The following SGIP1 variants were observed in gnomAD, a reference collection of about 807,000 sequenced individuals.
The protein encoded by SGIP1 is SH3GL interacting endocytic adaptor 1.
Under a neutral mutation model 107.5 loss-of-function variants are expected in SGIP1, and 38 were observed. The observed-to-expected ratio is 0.35, with a 90% CI of 0.27 to 0.46. The LOEUF is 0.46. Among genes scored for constraint, SGIP1 ranks in the 20% least tolerant of loss-of-function variants. The pLI is 1.00. For missense variants in SGIP1, 929 were observed against 1,019.5 expected (o/e 0.91, Z 1.21); for synonymous variants, 365 against 366.1 (o/e 1.00, Z 0.03).
At chr1:66,676,012 G>A (rs2085239240) in intron 12 of SGIP1, among the ~76,000 whole-genome samples, 1 of 152,142 alleles carries the variant, frequency 6.6e-6, no homozygotes, top group Admixed American at 6.5e-5. Flanking sequence ...ACATAGTGGT[G>A]GTAAGAGTAT....
chr1:66,676,960 A>AT (rs770307339), intron 12 of SGIP1, 44 bp from the exon 13 acceptor site: 33 of 1,504,508 alleles, frequency 2.2e-5, no homozygotes, highest in Admixed American at 6.1e-5. Flanking sequence ...AAGTATGGGG[A>AT]TTTTTTTTAA....
At chr1:66,558,429 A>G (rs1337286817) in intron 1 of SGIP1, among the ~76,000 whole-genome samples, 1 of 151,956 alleles carries the variant, frequency 6.6e-6, no homozygotes, top group East Asian at 2.0e-4. Context: ...AAGCTAACCC[A>G]CAACGGCCCA....
intron 1 of SGIP1, among the ~76,000 whole-genome samples, chr1:66,568,824 A>G (rs2060004637): frequency 6.6e-6 from 1 of 151,966 alleles, no homozygotes; most frequent in Non-Finnish European, 1.5e-5. Flanking sequence ...ACATCCCTTC[A>G]TGTTAATAAC....
chr1:66,600,526 T>G (rs1169859112), intron 1 of SGIP1, among the ~76,000 whole-genome samples: 1 of 152,198 alleles, frequency 6.6e-6, no homozygotes, highest in African/African-American at 2.4e-5. Context: ...GATGATTATG[T>G]TTTATCCCGA....
chr1:66,711,616 T>C (rs2092925629), intron 18 of SGIP1, among the ~76,000 whole-genome samples: 1 of 152,178 alleles, frequency 6.6e-6, no homozygotes. Context: ...CTCTGAGACT[T>C]TCTGATGTCT....
chr1:66,639,433 C>T (rs1314208936), intron 4 of SGIP1, among the ~76,000 whole-genome samples: 7 of 152,146 alleles, frequency 4.6e-5, no homozygotes, highest in Non-Finnish European at 7.3e-5. Context: ...CATATATACA[C>T]GGCTATATCT....
In SGIP1 at chr1:66,743,654, G is replaced by A. The variant is rs1401918094; in HGVS notation, c.*559G>A. ...AACTCTATCTTCAAATGTTTAGTGG[G>A]TTAAATTGAGAAACTATTTCAGAAA... On this transcript the variant is annotated 3_prime_UTR_variant, in exon 25 of 25. Transcript: ENST00000371037. 2.6e-5 allele frequency: 4 copies of A among 152,430 alleles called. No individual in the cohort carries two copies. Among genetic ancestry groups the A allele is most frequent in the Non-Finnish European group, 4.4e-5 (3 of 67,966 alleles). The allele number at this position is 152,430 out of a possible 1,614,324, so 9.4% of individuals were successfully genotyped here.
chr1:66,687,034 T>C (rs764707323), intron 15 of SGIP1, among the ~76,000 whole-genome samples: 3 of 152,218 alleles, frequency 2.0e-5, no homozygotes, highest in Non-Finnish European at 4.4e-5. Context: ...AGAACTCAAA[T>C]CATCTGGTTC....
At chr1:66,630,774 C>G (rs914326304) in intron 2 of SGIP1, among the ~76,000 whole-genome samples, 6 of 134,018 alleles carry the variant, frequency 4.5e-5, no homozygotes, top group African/African-American at 1.8e-4. Context: ...CCATTGCACA[C>G]CAGCCTGGGT....
chr1:66,594,209 T>C (rs963640864), intron 1 of SGIP1, among the ~76,000 whole-genome samples: 17 of 152,174 alleles, frequency 1.1e-4, no homozygotes, highest in African/African-American at 4.1e-4. Context: ...ATATAAACTT[T>C]TTTTCATTTT....
chr1:66,634,025 A>G (rs1043569307), intron 3 of SGIP1: 37 of 1,466,068 alleles, frequency 2.5e-5, no homozygotes, highest in African/African-American at 2.8e-5. Context: ...ATGTTAAGAA[A>G]ATAGACTGAA....
intron 17 of SGIP1, among the ~76,000 whole-genome samples, chr1:66,692,132 G>A (rs1057256671): frequency 6.9e-5 from 10 of 145,172 alleles, no homozygotes; most frequent in African/African-American, 2.6e-4. Context: ...GCATACTCCA[G>A]CCTAGGCGAC....
intron 5 of SGIP1, among the ~76,000 whole-genome samples, chr1:66,640,736 G>A (rs1210828056): frequency 6.6e-6 from 1 of 151,410 alleles, no homozygotes; most frequent in African/African-American, 2.4e-5. Flanking sequence ...GAGAAGCCAG[G>A]GACGGGTTTT....
intron 19 of SGIP1, among the ~76,000 whole-genome samples, chr1:66,723,558 A>G (rs2093633936): frequency 6.6e-6 from 1 of 152,116 alleles, no homozygotes; most frequent in Admixed American, 6.6e-5. Flanking sequence ...AGCTTAGGTT[A>G]CTCGGCTCTC....
chr1:66,714,742 C>T (rs1455843237), intron 18 of SGIP1, among the ~76,000 whole-genome samples: 2 of 152,124 alleles, frequency 1.3e-5, no homozygotes, highest in African/African-American at 4.8e-5. Flanking sequence ...TAAGAGATTT[C>T]CCCAAGGCCA....
intron 1 of SGIP1, among the ~76,000 whole-genome samples, chr1:66,576,754 G>A (rs893746274): frequency 3.9e-5 from 6 of 152,054 alleles, no homozygotes; most frequent in East Asian, 1.9e-4. Flanking sequence ...AGATAAGAAC[G>A]GTACTGGCCA....
intron 2 of SGIP1, among the ~76,000 whole-genome samples, chr1:66,630,898 A>AAAGAAAGAAG (rs2074313987): frequency 1.2e-4 from 1 of 8,264 alleles, no homozygotes; most frequent in African/African-American, 4.9e-4. Flanking sequence ...AAAGAAAGAA[A>AAAGAAAGAAG]GAAAGAAGGG....
At chr1:66,579,137 A>T (rs2061477909) in intron 1 of SGIP1, among the ~76,000 whole-genome samples, 1 of 152,174 alleles carries the variant, frequency 6.6e-6, no homozygotes. Context: ...TACTGATAGG[A>T]GTAGCCAAGT....
intron 15 of SGIP1, among the ~76,000 whole-genome samples, chr1:66,686,389 A>G (rs1571825205): frequency 6.6e-6 from 1 of 152,184 alleles, no homozygotes; most frequent in South Asian, 2.1e-4. Context: ...CACAAAACTC[A>G]GTGTATTTTG....
Sources: gnomAD v4.1 joint callset for allele counts (sites outside exome capture counted in the v4.1 genomes callset) on GRCh38, gnomAD v4.1.1 for gene constraint, MANE v1.5 for transcripts, NCBI Gene and HGNC (gene_info 2026-07-23, HGNC 2026-07-21) for gene names.